SLC9A5: variants seen among roughly 807,000 people sequenced by gnomAD.
SLC9A5 encodes sodium/hydrogen exchanger 5.
A neutral mutation model predicts 91.7 loss-of-function variants in SLC9A5; 52 were observed. The ratio of observed to expected loss-of-function variants is 0.57; its 90% confidence interval spans 0.45 to 0.71. The LOEUF (loss-of-function observed/expected upper bound fraction) is 0.71. SLC9A5 is among the 30% of genes least tolerant of loss of function. The probability of loss-of-function intolerance (pLI) is 0.00; values close to 1 mark genes in which losing one functional copy is unlikely to be tolerated. For synonymous variants in SLC9A5, 419 were observed against 474.5 expected (o/e 0.88, Z 1.52); for missense variants, 871 against 1,158.9 (o/e 0.75, Z 3.61).
In SLC9A5 at chr16:67,258,978, G is replaced by A. The variant is rs1006845527; in HGVS notation, c.1626+531G>A. 5.5e-5 allele frequency among the ~76,000 whole-genome samples: 8 copies of A among 144,894 alleles called. No homozygotes were observed. The highest frequency in any genetic ancestry group is 2.0e-4 in the African/African-American group (8 of 39,058). ...GGAGAATCGCTAAAATCTGGGAAGCGGGCTGGGCACGGTGGCTCACACCTG... is the reference window on the plus strand; with the variant it reads ...GGAGAATCGCTAAAATCTGGGAAGCAGGCTGGGCACGGTGGCTCACACCTG... On this transcript the variant is annotated intron_variant, in intron 10 of 15. Transcript: ENST00000299798. The surrounding 1 kb of genome is among the most constrained non-coding windows in gnomAD (Gnocchi z 4.5).
intron 2 of SLC9A5, 46 bp from the exon 3 acceptor site, chr16:67,254,967 AGGAGACTG>A: frequency 6.4e-7 from 1 of 1,563,196 alleles, no homozygotes; most frequent in South Asian, 1.1e-5. Flanking sequence ...GGCGTGCTCC[AGGAGACTG>A]GGTCGTCTTC....
Position 67,271,600 on chromosome 16 carries a change from T to G in SLC9A5, c.*390T>G. 4.7e-6 allele frequency: 1 copy of G among 213,288 alleles called. No homozygotes were observed. The highest frequency in any genetic ancestry group is 9.6e-6 in the Non-Finnish European group (1 of 104,624). 13.2% of individuals were successfully genotyped at this position (213,288 alleles called of 1,614,324 possible). ...CCTATTCTTCAGTGGATGCCAGCCT[T>G]CCCTGCCCCAACTCCCTCCCCAGCA... is the stretch of plus-strand genomic sequence containing the variant. On this transcript the variant is annotated 3_prime_UTR_variant, in exon 16 of 16. Coordinates refer to ENST00000299798, the MANE Select transcript of SLC9A5 (RefSeq NM_004594.3).
At position 67,271,834 on chromosome 16, in the gene SLC9A5, T is replaced by G. The variant is rs745316591; in HGVS notation, c.*624T>G. The G allele has an allele frequency of 6.6e-6, 1 of 152,622 alleles. No individual in the cohort carries two copies. The highest frequency in any genetic ancestry group is 1.5e-5 in the Non-Finnish European group (1 of 68,376). The allele number at this position is 152,622 out of a possible 1,614,324, so 9.5% of individuals were successfully genotyped here. A position where few individuals can be genotyped will look rare whatever the true frequency, so the allele number is the denominator to read the frequency against. ...TGCTGCCAGGTATTGGGGTAATATT[T>G]CCTCCTTTTCCAAGACCAAGGCCAA... On this transcript the variant is annotated 3_prime_UTR_variant, in exon 16 of 16. Coordinates refer to ENST00000299798, the MANE Select transcript of SLC9A5 (RefSeq NM_004594.3).
chr16:67,259,129 G>T (rs2035426812), intron 10 of SLC9A5, among the ~76,000 whole-genome samples: 1 of 151,708 alleles, frequency 6.6e-6, no homozygotes, highest in South Asian at 2.1e-4. Flanking sequence ...CGTGGTGGTG[G>T]GCACCTGTAG....
At chr16:67,269,632 T>A (rs2035854142) in intron 15 of SLC9A5, among the ~76,000 whole-genome samples, 1 of 152,156 alleles carries the variant, frequency 6.6e-6, no homozygotes, top group Non-Finnish European at 1.5e-5. Flanking sequence ...ATATTCCAGG[T>A]CTTTCAAGAG....
In SLC9A5 at chr16:67,256,246, G is replaced by A. The variant is rs1046338072; in HGVS notation, c.912-223G>A. On this transcript the variant is annotated intron_variant, in intron 5 of 15. Coordinates refer to ENST00000299798, the MANE Select transcript of SLC9A5 (RefSeq NM_004594.3). This position sits in a 1 kb window ranked among gnomAD's most constrained non-coding sequence, Gnocchi z 4.1. ...TTAGAGAGCCCGCTAGTCAGAGCAC[G>A]TTCCTTCCACCTTCCCTTCCAGGAG... Among the ~76,000 whole-genome samples the A allele has an allele frequency of 2.0e-5, 3 of 152,164 alleles. No individual in the cohort carries two copies. Among genetic ancestry groups the A allele is most frequent in the East Asian group, 1.9e-4 (1 of 5,196 alleles).
chr16:67,257,121 T>G lies in SLC9A5; in HGVS notation c.1335+8T>G. The G allele has an allele frequency of 6.2e-7, 1 of 1,605,234 alleles. No individual in the cohort carries two copies. Among genetic ancestry groups the G allele is most frequent in the Non-Finnish European group, 8.5e-7 (1 of 1,177,882 alleles). ...TTCACAGTCATCGTGCAGGTGGGAGTGCCCACAAGGCTGGGTAGGGAGAGG... is the reference window on the plus strand; with the variant it reads ...TTCACAGTCATCGTGCAGGTGGGAGGGCCCACAAGGCTGGGTAGGGAGAGG... On this transcript the variant is annotated splice_region_variant and intron_variant, in intron 7 of 15. Transcript: ENST00000299798. The surrounding 1 kb of genome is among the most constrained non-coding windows in gnomAD (Gnocchi z 5.1).
chr16:67,264,616 C>T (rs949295726), intron 13 of SLC9A5, 94 bp downstream of exon 13: 117 of 1,318,438 alleles, frequency 8.9e-5, no homozygotes, highest in Non-Finnish European at 1.2e-4. Context: ...TAGGGGGAAC[C>T]CCAGTTGGGA....
rs2035173285 is a variant in SLC9A5 at position 67,252,664 on chromosome 16, C to T, written c.310C>T (p.Pro104Ser). The change falls in exon 2 of 16, where the codon CCA (proline) becomes TCA (serine). Residue 104 changes from proline (P) to serine (S), a missense_variant. By Grantham distance (74) the Pro-to-Ser change is moderately conservative. Around this residue, in one of 3 missense-constraint regions of SLC9A5, gnomAD observed 454 missense variants for 718.3 expected, o/e 0.63. Transcript: ENST00000299798. This position sits in a 1 kb window ranked among gnomAD's most constrained non-coding sequence, Gnocchi z 4.0. Reference sequence around the variant, plus strand: ...CAAGAAAGCTGAGTACCAGCTGGAGCCAGGCACCTTCTTCCTCTTCCTGCT... The same window carrying T: ...CAAGAAAGCTGAGTACCAGCTGGAGTCAGGCACCTTCTTCCTCTTCCTGCT... ...VAKKAEYQLE[P>S]GTFFLFLLPP... is the part of the protein sequence containing the mutation. 1 of 1,614,148 alleles carries T rather than the reference C, an allele frequency of 6.2e-7. No individual in the cohort carries two copies. The highest frequency in any genetic ancestry group is 8.5e-7 in the Non-Finnish European group (1 of 1,180,022).
chr16:67,266,497 A>G (rs1191646083), intron 15 of SLC9A5, among the ~76,000 whole-genome samples: 4 of 152,188 alleles, frequency 2.6e-5, no homozygotes, highest in Admixed American at 6.5e-5. Flanking sequence ...AACCTGACTC[A>G]TCTGACTCCC....
chr16:67,250,635 C>T (rs957011992), intron 1 of SLC9A5, among the ~76,000 whole-genome samples: 1 of 152,156 alleles, frequency 6.6e-6, no homozygotes, highest in African/African-American at 2.4e-5. Flanking sequence ...AGAAAATCCT[C>T]GAACAAGAGA....
Position 67,256,206 on chromosome 16 carries a change from A to G in SLC9A5, c.912-263A>G, listed in dbSNP as rs2035311300. The stretch of plus-strand genomic sequence containing the variant: ...GGCCACCAGCTCTGGAGGCCGCAGC[A>G]CTCCAGAAGGTGCATTAGAGAGCCC... On this transcript the variant is annotated intron_variant, in intron 5 of 15. Coordinates refer to ENST00000299798, the MANE Select transcript of SLC9A5 (RefSeq NM_004594.3). The surrounding 1 kb of genome is among the most constrained non-coding windows in gnomAD (Gnocchi z 4.1). Among the ~76,000 whole-genome samples, 1 of 152,078 alleles carries G rather than the reference A, an allele frequency of 6.6e-6. No individual in the cohort carries two copies. The highest frequency in any genetic ancestry group is 2.4e-5 in the African/African-American group (1 of 41,398).
In SLC9A5 at chr16:67,255,542, C is replaced by A; in HGVS notation, c.733+71C>A. 1 of 1,469,710 alleles carries A rather than the reference C, an allele frequency of 6.8e-7. No individual in the cohort carries two copies. The highest frequency in any genetic ancestry group is 9.5e-7 in the Non-Finnish European group (1 of 1,049,566). 91.0% of individuals were successfully genotyped at this position (1,469,710 alleles called of 1,614,324 possible). ...CTGGGTTGCTGAGGCCCTCCCACCC[C>A]GCATCAGGACAGAAGAGGCTATTCG... is the stretch of plus-strand genomic sequence containing the variant. On this transcript the variant is annotated intron_variant, in intron 4 of 15. Coordinates refer to ENST00000299798, the MANE Select transcript of SLC9A5 (RefSeq NM_004594.3). This position sits in a 1 kb window ranked among gnomAD's most constrained non-coding sequence, Gnocchi z 4.9.
intron 11 of SLC9A5, 38 bp downstream of exon 11, chr16:67,259,699 C>T (rs755697458): frequency 6.3e-7 from 1 of 1,599,760 alleles, no homozygotes; most frequent in Non-Finnish European, 8.6e-7. Context: ...TCATACTCCT[C>T]TCCATTGTGC....
In SLC9A5 at chr16:67,266,853, T is replaced by TC. The variant is rs3082759; in HGVS notation, c.2218+628_2218+629insC. 3.2e-3 allele frequency among the ~76,000 whole-genome samples: 402 copies of TC among 124,090 alleles called. 17 individuals carry two copies. The South Asian group carries it at 0.079, about 24-fold the overall frequency. 81.4% of individuals were successfully genotyped at this position (124,090 alleles called of 152,430 possible). On this transcript the variant is annotated intron_variant, in intron 15 of 15. Coordinates refer to ENST00000299798, the MANE Select transcript of SLC9A5 (RefSeq NM_004594.3). ...ACCATGCCCGGCCTATTCTTTTCTT[T>TC]TTTTTTTTTTTTTTAAATGCCATTC... is the stretch of plus-strand genomic sequence containing the variant.
Position 67,255,563 on chromosome 16 carries a change from A to C in SLC9A5, c.733+92A>C, listed in dbSNP as rs568019798. On this transcript the variant is annotated intron_variant, in intron 4 of 15. Transcript: ENST00000299798. The surrounding 1 kb of genome is among the most constrained non-coding windows in gnomAD (Gnocchi z 4.9). Reference sequence around the variant, plus strand: ...ACCCCGCATCAGGACAGAAGAGGCTATTCGGGTTGCCTCATCTCCTCTATA... The same window carrying C: ...ACCCCGCATCAGGACAGAAGAGGCTCTTCGGGTTGCCTCATCTCCTCTATA... 484 of 1,399,042 alleles carry C rather than the reference A, an allele frequency of 3.5e-4. No homozygotes were observed. Among genetic ancestry groups the C allele is most frequent in the Non-Finnish European group, 4.8e-4 (475 of 990,398 alleles). The allele number at this position is 1,399,042 out of a possible 1,614,324, so 86.7% of individuals were successfully genotyped here. A position where few individuals can be genotyped will look rare whatever the true frequency, so the allele number is the denominator to read the frequency against.
In SLC9A5 at chr16:67,258,320, G is replaced by A. The variant is rs1306320150; in HGVS notation, c.1499G>A (p.Trp500Ter). Reference sequence around the variant, plus strand: ...GCCGGGCCTGGCATCCTCTGTAGGTGGGAGCAGTTTGACAAGAAATACCTG... The same window carrying A: ...GCCGGGCCTGGCATCCTCTGTAGGTAGGAGCAGTTTGACAAGAAATACCTG... ...HHGYHYWRDR[W>*]EQFDKKYLSQ... Residue 500 changes from tryptophan to a stop codon, truncating the protein, a stop_gained and splice_region_variant, in exon 10 of 16, where the codon TGG becomes TAG. Coordinates refer to ENST00000299798, the MANE Select transcript of SLC9A5 (RefSeq NM_004594.3). LOFTEE classifies it high-confidence loss of function. The surrounding 1 kb of genome is among the most constrained non-coding windows in gnomAD (Gnocchi z 4.5). 1.2e-6 allele frequency: 2 copies of A among 1,613,832 alleles called. No individual in the cohort carries two copies. The highest frequency in any genetic ancestry group is 1.7e-6 in the Non-Finnish European group (2 of 1,180,020).
Position 67,257,644 on chromosome 16 carries a change from A to G in SLC9A5, c.1496+43A>G. 1 of 1,595,004 alleles carries G rather than the reference A, an allele frequency of 6.3e-7. No individual in the cohort carries two copies. The stretch of plus-strand genomic sequence containing the variant: ...AGGCTCCTTCAGCAGCAGCAGCCCC[A>G]CCAGCCAGGGAAGCATGGGGGATGT... On this transcript the variant is annotated intron_variant, in intron 9 of 15. Coordinates refer to ENST00000299798, the MANE Select transcript of SLC9A5 (RefSeq NM_004594.3). This position sits in a 1 kb window ranked among gnomAD's most constrained non-coding sequence, Gnocchi z 5.1.
intron 14 of SLC9A5, among the ~76,000 whole-genome samples, chr16:67,265,471 T>G (rs1264832011): frequency 6.6e-6 from 1 of 152,112 alleles, no homozygotes; most frequent in African/African-American, 2.4e-5. Flanking sequence ...CAAGCTAGAG[T>G]GCAGTGGTGC....
Sources: gnomAD v4.1 joint callset for allele counts (sites outside exome capture counted in the v4.1 genomes callset) on GRCh38, gnomAD v4.1.1 for gene constraint, gnomAD v4.1.1 regional missense constraint, Gnocchi (gnomAD v3.1) non-coding constraint, MANE v1.5 for transcripts, NCBI Gene and HGNC (gene_info 2026-07-23, HGNC 2026-07-21) for gene names.